The following CAMTA1 variants were observed in gnomAD, a reference collection of about 807,000 sequenced individuals.
CAMTA1 encodes calmodulin binding transcription activator 1, also known as calmodulin-binding transcription activator 1.
In CAMTA1, 27 loss-of-function variants were observed where a neutral mutation model predicts 170.9. The ratio of observed to expected loss-of-function variants is 0.16; its 90% CI spans 0.12 to 0.22. CAMTA1 has a LOEUF of 0.22. Among genes scored for constraint, CAMTA1 ranks in the 10% least tolerant of loss-of-function variants. The pLI is 1.00. For missense variants in CAMTA1, 1,619 were observed against 2,217.2 expected (o/e 0.73, Z 5.42); for synonymous variants, 833 against 891.5 (o/e 0.93, Z 1.17).
At chr1:7,257,514 A>G (rs1346989994) in intron 5 of CAMTA1, among the ~76,000 whole-genome samples, 1 of 152,130 alleles carries the variant, frequency 6.6e-6, no homozygotes, top group African/African-American at 2.4e-5. Flanking sequence ...TGAACTGCCC[A>G]TTTCCATTTG....
intron 2 of CAMTA1, 136 bp downstream of exon 2, chr1:6,820,386 C>A: frequency 1.4e-6 from 1 of 733,360 alleles, no homozygotes. Flanking sequence ...GCTGTGTGAT[C>A]TTAGATGAGT....
At chr1:7,265,292 T>C (rs1221662046) in intron 5 of CAMTA1, among the ~76,000 whole-genome samples, 1 of 152,140 alleles carries the variant, frequency 6.6e-6, no homozygotes, top group Non-Finnish European at 1.5e-5. Context: ...AAGCCACTTT[T>C]TATTATTTTA....
intron 4 of CAMTA1, among the ~76,000 whole-genome samples, chr1:7,137,064 T>C (rs1645586997): frequency 6.6e-6 from 1 of 152,202 alleles, no homozygotes; most frequent in African/African-American, 2.4e-5. Flanking sequence ...TCATCACCTC[T>C]TACCAAGCTG....
rs1673541868 is a variant in CAMTA1, at chr1:6,887,466, A to G, written c.234+62256A>G. On this transcript the variant is annotated intron_variant, in intron 3 of 22. Coordinates refer to ENST00000303635, the MANE Select transcript of CAMTA1 (RefSeq NM_015215.4). The surrounding 1 kb of genome is among the most constrained non-coding windows in gnomAD (Gnocchi z 4.1). ...ATGGTTGTATGTACATGTGTATAGT[A>G]TGTGGGTGGGGGTAGATACATACCT... is the stretch of plus-strand genomic sequence containing the variant. Among the ~76,000 whole-genome samples the G allele has an allele frequency of 6.6e-6, 1 of 152,182 alleles. No homozygotes were observed. The highest frequency in any genetic ancestry group is 1.5e-5 in the Non-Finnish European group (1 of 68,036).
intron 3 of CAMTA1, among the ~76,000 whole-genome samples, chr1:7,051,584 G>T (rs1342071997): frequency 6.6e-6 from 1 of 151,784 alleles, no homozygotes; most frequent in Non-Finnish European, 1.5e-5. Context: ...CCCAGCCTGG[G>T]TGTCCGAGGT....
At chr1:7,204,942 G>A (rs147931698) in intron 4 of CAMTA1, among the ~76,000 whole-genome samples, 43 of 146,198 alleles carry the variant, frequency 2.9e-4, no homozygotes, top group African/African-American at 1.1e-3. Context: ...CCATTCTCCC[G>A]CCTCAGCCTC....
At chr1:6,961,351 T>C (rs1383505731) in intron 3 of CAMTA1, among the ~76,000 whole-genome samples, 1 of 152,200 alleles carries the variant, frequency 6.6e-6, no homozygotes, top group Non-Finnish European at 1.5e-5. Flanking sequence ...AAGGACAGAC[T>C]TGCTGGGATG....
chr1:6,787,459 CATTT>C (rs1380996857), intron 1 of CAMTA1, among the ~76,000 whole-genome samples: 1 of 152,142 alleles, frequency 6.6e-6, no homozygotes, highest in Admixed American at 6.5e-5. Flanking sequence ...ATGCTATATT[CATTT>C]GTTTACATAT....
At chr1:7,288,348 C>G (rs560359032) in intron 5 of CAMTA1, among the ~76,000 whole-genome samples, 18 of 152,310 alleles carry the variant, frequency 1.2e-4, no homozygotes, top group African/African-American at 4.1e-4. Flanking sequence ...TTTTACTTTG[C>G]ATTGTGGTTA....
intron 3 of CAMTA1, among the ~76,000 whole-genome samples, chr1:6,998,016 T>C (rs1288964857): frequency 3.3e-5 from 5 of 152,134 alleles, no homozygotes; most frequent in African/African-American, 1.2e-4. Context: ...TGATGCATTC[T>C]GGTAAGCTCC....
chr1:7,488,508 T>C lies in CAMTA1; in HGVS notation c.510+20607T>C, dbSNP rs149502146. 7.9e-3 allele frequency among the ~76,000 whole-genome samples: 1,195 copies of C among 151,886 alleles called. 18 individuals are homozygous for C. The highest frequency in any genetic ancestry group is 0.026 in the African/African-American group (1,067 of 41,356). Reference sequence around the variant, plus strand: ...CACACACAATACACACACACGCACATACACACACATGTACACACAATACAC... The same window carrying C: ...CACACACAATACACACACACGCACACACACACACATGTACACACAATACAC... On this transcript the variant is annotated intron_variant, in intron 6 of 22. Transcript: ENST00000303635.
At chr1:6,854,627 A>G (rs906930379) in intron 3 of CAMTA1, among the ~76,000 whole-genome samples, 41 of 152,366 alleles carry the variant, frequency 2.7e-4, no homozygotes, top group African/African-American at 8.7e-4. Context: ...ATTGATCAAA[A>G]TTGTTGATTT....
At chr1:7,524,836 G>A (rs944812652) in intron 6 of CAMTA1, among the ~76,000 whole-genome samples, 3 of 151,954 alleles carry the variant, frequency 2.0e-5, no homozygotes, top group Non-Finnish European at 4.4e-5. Flanking sequence ...TTTTTGACTC[G>A]CAATCCTGTC....
chr1:7,346,865 G>A (rs1286517537), intron 5 of CAMTA1, among the ~76,000 whole-genome samples: 2 of 152,156 alleles, frequency 1.3e-5, no homozygotes, highest in African/African-American at 4.8e-5. Context: ...CTAGTTTCTT[G>A]GGTGCCCTCA....
chr1:7,599,768 T>C (rs1476326593), intron 6 of CAMTA1, among the ~76,000 whole-genome samples: 1 of 152,196 alleles, frequency 6.6e-6, no homozygotes, highest in African/African-American at 2.4e-5. Flanking sequence ...TAAGAATGCT[T>C]GTGATTTTTG....
At chr1:7,526,954 C>T (rs964044171) in intron 6 of CAMTA1, among the ~76,000 whole-genome samples, 1 of 152,154 alleles carries the variant, frequency 6.6e-6, no homozygotes, top group Non-Finnish European at 1.5e-5. Context: ...CCTGTGTTTC[C>T]AAGAAAGCAG....
chr1:6,805,941 C>T (rs1360142808), intron 1 of CAMTA1, among the ~76,000 whole-genome samples: 1 of 151,882 alleles, frequency 6.6e-6, no homozygotes, highest in African/African-American at 2.4e-5. Context: ...TTGTCATATC[C>T]AAGGTCGTGA....
chr1:7,381,338 T>C (rs1483071320), intron 5 of CAMTA1, among the ~76,000 whole-genome samples: 1 of 135,950 alleles, frequency 7.4e-6, no homozygotes, highest in Non-Finnish European at 1.5e-5. Flanking sequence ...CAGAGTGTGA[T>C]GTTCCCCTTC....
intron 4 of CAMTA1, among the ~76,000 whole-genome samples, chr1:7,214,859 C>CT (rs1260135787): frequency 8.2e-4 from 67 of 81,738 alleles, no homozygotes; most frequent in South Asian, 1.8e-3. Flanking sequence ...TTCTTTCTTT[C>CT]TTTTTTTTTT....
Sources: allele counts gnomAD v4.1 joint callset (sites outside exome capture counted in the v4.1 genomes callset), GRCh38; gene constraint gnomAD v4.1.1; non-coding constraint Gnocchi (gnomAD v3.1); transcripts MANE v1.5; gene names NCBI Gene and HGNC (gene_info 2026-07-23, HGNC 2026-07-21).